Variants in NXN observed in about 807,000 individuals in gnomAD.
NXN encodes the protein nucleoredoxin 1.
NXN carries 16 observed loss-of-function variants against 48.6 expected under a neutral mutation model. The ratio of observed to expected loss-of-function variants is 0.33; its 90% CI spans 0.22 to 0.50. NXN has a LOEUF of 0.50. Among genes scored for constraint, NXN ranks in the 20% least tolerant of loss-of-function variants. The pLI, the probability that NXN is intolerant of heterozygous loss-of-function variation, is 0.98. For synonymous variants in NXN, 281 were observed against 269.6 expected (o/e 1.04, Z -0.41); for missense variants, 492 against 605.5 (o/e 0.81, Z 1.97).
chr17:811,745 T>C (rs937505717), intron 5 of NXN, among the ~76,000 whole-genome samples: 4 of 152,096 alleles, frequency 2.6e-5, no homozygotes, highest in African/African-American at 9.6e-5. Context: ...GCCGCCACCC[T>C]GTGAGATGGA....
chr17:818,203 G>A (rs780308734), intron 5 of NXN, among the ~76,000 whole-genome samples: 3 of 152,132 alleles, frequency 2.0e-5, no homozygotes, highest in Admixed American at 6.5e-5. Context: ...AGAGGTTGTG[G>A]TGAGCCGAGA....
intron 1 of NXN, among the ~76,000 whole-genome samples, chr17:934,113 A>G (rs2068880629): frequency 6.6e-6 from 1 of 152,160 alleles, no homozygotes; most frequent in African/African-American, 2.4e-5. Context: ...AGAAAGTACA[A>G]TAAGAAGGCC....
intron 4 of NXN, 54 bp downstream of exon 4, chr17:822,303 A>G: frequency 2.3e-6 from 3 of 1,279,940 alleles, no homozygotes; most frequent in Non-Finnish European, 2.3e-6. Flanking sequence ...AAGAAAAAAA[A>G]TGGATGTCAG....
chr17:824,691 A>G (rs1013141807), intron 2 of NXN, among the ~76,000 whole-genome samples: 5 of 152,308 alleles, frequency 3.3e-5, no homozygotes, highest in African/African-American at 1.2e-4. Context: ...TAATAAAAGA[A>G]AAGAGTAAAA....
At chr17:861,430 G>T (rs1390030585) in intron 1 of NXN, among the ~76,000 whole-genome samples, 1 of 152,026 alleles carries the variant, frequency 6.6e-6, no homozygotes, top group Non-Finnish European at 1.5e-5. Context: ...CGCCGCGCCT[G>T]ACCATTCTTT....
chr17:820,156 C>T (rs62067086), intron 4 of NXN, among the ~76,000 whole-genome samples: 31,538 of 152,022 alleles, frequency 0.21, 3,573 homozygotes, highest in African/African-American at 0.3. Flanking sequence ...TTACGTGGTA[C>T]GTACATCAGT....
chr17:900,461 T>A (rs2663354), intron 1 of NXN, among the ~76,000 whole-genome samples: 121,711 of 151,688 alleles, frequency 0.8, 49,063 homozygotes, highest in Middle Eastern at 0.9. Context: ...TCCCACCTCT[T>A]GCAGGAACAG....
rs559009252 is a variant in NXN, at chr17:958,334, C to T, written c.360+20985G>A. ...AACGTGCTGACTGGGGCTAACCCTA[C>T]GCTAAAGCAAAGCCTTCAAAAACTG... On this transcript the variant is annotated intron_variant, in intron 1 of 7. Coordinates refer to ENST00000336868, the MANE Select transcript of NXN (RefSeq NM_022463.5). The surrounding 1 kb of genome is among the most constrained non-coding windows in gnomAD (Gnocchi z 6.9). Among the ~76,000 whole-genome samples the T allele has an allele frequency of 5.9e-5, 9 of 152,230 alleles. No homozygotes were observed. The South Asian group carries it at 1.7e-3, about 28-fold the overall frequency.
At chr17:943,386 G>C (rs1257039173) in intron 1 of NXN, among the ~76,000 whole-genome samples, 3 of 152,166 alleles carry the variant, frequency 2.0e-5, no homozygotes, top group Non-Finnish European at 2.9e-5. Flanking sequence ...TAAGGTCACA[G>C]AGGGAAGGCC....
At chr17:904,742 C>A (rs1216730326) in intron 1 of NXN, among the ~76,000 whole-genome samples, 1 of 152,174 alleles carries the variant, frequency 6.6e-6, no homozygotes, top group East Asian at 1.9e-4. Flanking sequence ...TGGGGTTTCA[C>A]CATCTTGGCC....
chr17:952,144 AGG>A (rs2069118822), intron 1 of NXN, among the ~76,000 whole-genome samples: 1 of 150,634 alleles, frequency 6.6e-6, no homozygotes, highest in African/African-American at 2.4e-5. Context: ...ACAAGGCCAC[AGG>A]AGGTTGCAGA....
intron 7 of NXN, among the ~76,000 whole-genome samples, chr17:802,453 C>A (rs1911257153): frequency 1.3e-5 from 2 of 152,236 alleles, no homozygotes; most frequent in South Asian, 4.1e-4. Context: ...AGGAGACAGC[C>A]CAGGTGAAAT....
intron 1 of NXN, among the ~76,000 whole-genome samples, chr17:904,441 GTC>G (rs10603441): frequency 0.77 from 117,506 of 151,938 alleles, 45,611 homozygotes; most frequent in East Asian, 0.87. Flanking sequence ...GGGCTGTAAA[GTC>G]TCTCTCTCTG....
Position 958,646 on chromosome 17 carries a change from C to G in NXN, c.360+20673G>C, listed in dbSNP as rs899513490. ...ATTAGCCAGGCGTGGTGGCGTGCGC[C>G]TGTAGTCCCAGCTACTCAGGAGGCT... On this transcript the variant is annotated intron_variant, in intron 1 of 7. Coordinates refer to ENST00000336868, the MANE Select transcript of NXN (RefSeq NM_022463.5). The surrounding 1 kb of genome is among the most constrained non-coding windows in gnomAD (Gnocchi z 6.9). Among the ~76,000 whole-genome samples the G allele has an allele frequency of 6.6e-6, 1 of 152,168 alleles. No individual in the cohort carries two copies. Among genetic ancestry groups the G allele is most frequent in the Admixed American group, 6.6e-5 (1 of 15,266 alleles).
intron 5 of NXN, among the ~76,000 whole-genome samples, chr17:813,220 C>T (rs549800493): frequency 2.6e-4 from 39 of 152,362 alleles, no homozygotes; most frequent in South Asian, 2.1e-4. Flanking sequence ...AGAGGTATTT[C>T]GGCCCAGCCT....
chr17:955,924 G>A (rs2069164569), intron 1 of NXN, among the ~76,000 whole-genome samples: 1 of 148,876 alleles, frequency 6.7e-6, no homozygotes, highest in Non-Finnish European at 1.5e-5. Context: ...GAGAGAGAGA[G>A]AGAAATATGA....
chr17:868,354 T>C (rs1053897661), intron 1 of NXN, among the ~76,000 whole-genome samples: 5 of 152,196 alleles, frequency 3.3e-5, no homozygotes, highest in Admixed American at 2.6e-4. Context: ...TCCCTGACCG[T>C]ATCTCCCTCG....
At chr17:865,852 A>C (rs1368757575) in intron 1 of NXN, among the ~76,000 whole-genome samples, 3 of 152,036 alleles carry the variant, frequency 2.0e-5, no homozygotes, top group Non-Finnish European at 4.4e-5. Flanking sequence ...GCGTGGTAGC[A>C]CATGCCTGTA....
At position 849,129 on chromosome 17, in the gene NXN, C is replaced by G. The variant is rs1597660932; in HGVS notation, c.361-23051G>C. Among the ~76,000 whole-genome samples the G allele has an allele frequency of 6.6e-6, 1 of 152,202 alleles. No individual in the cohort carries two copies. Among genetic ancestry groups the G allele is most frequent in the African/African-American group, 2.4e-5 (1 of 41,464 alleles). On this transcript the variant is annotated intron_variant, in intron 1 of 7. Transcript: ENST00000336868. The surrounding 1 kb of genome is among the most constrained non-coding windows in gnomAD (Gnocchi z 4.2). The stretch of plus-strand genomic sequence containing the variant: ...GACGGCAGTCCCCACCCCACCCACA[C>G]CCTTTGTTCCACGGCAGGCAATCAT...
Sources: gnomAD v4.1 joint callset for allele counts (sites outside exome capture counted in the v4.1 genomes callset) on GRCh38, gnomAD v4.1.1 for gene constraint, Gnocchi (gnomAD v3.1) non-coding constraint, MANE v1.5 for transcripts, NCBI Gene and HGNC (gene_info 2026-07-23, HGNC 2026-07-21) for gene names.